Variants in ELAC1 observed in about 807,000 individuals in gnomAD.
ELAC1 encodes zinc phosphodiesterase ELAC protein 1.
A neutral mutation model predicts 25.8 loss-of-function variants in ELAC1; 19 were observed. That is an observed-to-expected ratio of 0.74 (90% CI 0.51 to 1.08). The LOEUF is 1.08. Among genes scored for constraint, ELAC1 ranks in the 50% least tolerant of loss-of-function variants. The pLI is 0.00. For synonymous variants in ELAC1, 148 were observed against 160.9 expected (o/e 0.92, Z 0.61); for missense variants, 403 against 434.6 (o/e 0.93, Z 0.65).
intron 2 of ELAC1, among the ~76,000 whole-genome samples, chr18:50,982,809 A>G (rs964287351): frequency 6.6e-5 from 10 of 152,084 alleles, no homozygotes; most frequent in Non-Finnish European, 1.2e-4. Flanking sequence ...TCAGTTCTTC[A>G]TCTTTTTCCC....
chr18:50,984,570 GT>G lies in ELAC1; in HGVS notation c.625+14del. On this transcript the variant is annotated splice_region_variant and intron_variant, in intron 3 of 3. Coordinates refer to ENST00000269466, the MANE Select transcript of ELAC1 (RefSeq NM_018696.3). ...CAGAAACTTAAAGACCTTGGTAAGT[GT>G]TTTTTTGTTTTTTGTTTTTTCCCGC... 1.9e-6 allele frequency: 3 copies of G among 1,597,660 alleles called. No individual in the cohort carries two copies. Among genetic ancestry groups the G allele is most frequent in the Non-Finnish European group, 1.7e-6 (2 of 1,170,940 alleles).
chr18:50,971,912 GTATATATA>G (rs66495742), intron 1 of ELAC1, among the ~76,000 whole-genome samples: 38 of 76,530 alleles, frequency 5.0e-4, no homozygotes, highest in South Asian at 1.1e-3. Context: ...GTGTGTGTGT[GTATATATA>G]TATATATATA....
chr18:50,974,417 G>A lies in ELAC1; in HGVS notation c.13G>A (p.Val5Met), dbSNP rs1435281151. 3 of 1,544,098 alleles carry A rather than the reference G, an allele frequency of 1.9e-6. No individual in the cohort carries two copies. The Admixed American group carries it at 6.2e-5, about 32-fold the overall frequency. Residue 5 changes from valine (V) to methionine (M), a missense_variant, in exon 2 of 4, where the codon GTG becomes ATG. Physicochemically the swap from Val to Met is conservative, Grantham distance 21. Coordinates refer to ENST00000269466, the MANE Select transcript of ELAC1 (RefSeq NM_018696.3). MSMD[V>M]TFLGTGAAYP... is the part of the protein sequence containing the mutation. ...TGCAGGGTGGAAGATGTCTATGGAT[G>A]TGACATTCCTGGGGACGGGTGCAGC...
intron 1 of ELAC1, chr18:50,969,499 G>T (rs527845057): frequency 6.6e-6 from 1 of 152,232 alleles, no homozygotes; most frequent in Non-Finnish European, 1.5e-5. Context: ...TGTACAAGTA[G>T]CACCGTAGGG....
Position 50,987,062 on chromosome 18 carries a change from A to G in ELAC1, c.1069A>G (p.Ile357Val), listed in dbSNP as rs765431123. The G allele has an allele frequency of 1.7e-5, 27 of 1,549,562 alleles. No individual in the cohort carries two copies. The highest frequency in any genetic ancestry group is 2.4e-5 in the Non-Finnish European group (27 of 1,147,880). Reference sequence around the variant, plus strand: ...GACTCTAGCAGAAGATTTTATGGTGATAAGCATTCCAATCAAGAAATGAAA... The same window carrying G: ...GACTCTAGCAGAAGATTTTATGGTGGTAAGCATTCCAATCAAGAAATGAAA... Reference protein sequence around the residue: ...EVTLAEDFMVISIPIKK With the variant: ...EVTLAEDFMVVSIPIKK Residue 357 changes from isoleucine to valine, a missense_variant, in exon 4 of 4, where the codon ATA becomes GTA. Coordinates refer to ENST00000269466, the MANE Select transcript of ELAC1 (RefSeq NM_018696.3).
chr18:50,973,171 G>A (rs1312720633), intron 1 of ELAC1, among the ~76,000 whole-genome samples: 1 of 152,172 alleles, frequency 6.6e-6, no homozygotes, highest in Non-Finnish European at 1.5e-5. Context: ...CTAAGACTGA[G>A]AAGAGTTACT....
intron 2 of ELAC1, among the ~76,000 whole-genome samples, chr18:50,976,186 G>A (rs1056881511): frequency 5.3e-5 from 8 of 152,142 alleles, no homozygotes; most frequent in East Asian, 1.9e-4. Flanking sequence ...ATGCAATCTC[G>A]TTTGTGTTTT....
At chr18:50,983,782 A>T (rs1908023781) in intron 2 of ELAC1, among the ~76,000 whole-genome samples, 1 of 151,256 alleles carries the variant, frequency 6.6e-6, no homozygotes, top group Non-Finnish European at 1.5e-5. Flanking sequence ...TGAGTCCAGG[A>T]GGTCAAGGCT....
intron 2 of ELAC1, among the ~76,000 whole-genome samples, chr18:50,978,056 AC>A (rs1907840984): frequency 6.6e-6 from 1 of 152,184 alleles, no homozygotes; most frequent in Non-Finnish European, 1.5e-5. Flanking sequence ...CTCAGCCTGG[AC>A]TTTTTGGTCA....
At chr18:50,973,607 T>G (rs1907719952) in intron 1 of ELAC1, among the ~76,000 whole-genome samples, 1 of 152,208 alleles carries the variant, frequency 6.6e-6, no homozygotes. Context: ...GGCTGATCAT[T>G]ATGGGCATCA....
At position 50,976,498 on chromosome 18, in the gene ELAC1, C is replaced by T. The variant is rs141887308; in HGVS notation, c.157+1937C>T. ...ACCACCCTTTATCAACCCGTCAGAT[C>T]TCATGAGACTTATTCACTGTCGTGA... On this transcript the variant is annotated intron_variant, in intron 2 of 3. Transcript: ENST00000269466. 3.5e-3 allele frequency among the ~76,000 whole-genome samples: 537 copies of T among 152,258 alleles called. 5 individuals are homozygous for T. The highest frequency in any genetic ancestry group is 0.012 in the African/African-American group (502 of 41,544).
chr18:50,979,612 G>C (rs1291544309), intron 2 of ELAC1, among the ~76,000 whole-genome samples: 3 of 152,168 alleles, frequency 2.0e-5, no homozygotes, highest in African/African-American at 7.2e-5. Flanking sequence ...ACAAGTCCCA[G>C]CCACACTCAA....
intron 2 of ELAC1, among the ~76,000 whole-genome samples, chr18:50,978,933 T>C (rs1463642490): frequency 6.6e-6 from 1 of 152,214 alleles, no homozygotes; most frequent in East Asian, 1.9e-4. Flanking sequence ...GTTGAAACTT[T>C]GAGATAATTC....
At chr18:50,985,874 CCT>C (rs1908095290) in intron 3 of ELAC1, among the ~76,000 whole-genome samples, 1 of 151,992 alleles carries the variant, frequency 6.6e-6, no homozygotes, top group Non-Finnish European at 1.5e-5. Flanking sequence ...TGGAACTGCC[CCT>C]GTCTGCCAAG....
chr18:50,985,389 A>C (rs1333106850), intron 3 of ELAC1, among the ~76,000 whole-genome samples: 1 of 152,270 alleles, frequency 6.6e-6, no homozygotes, highest in Non-Finnish European at 1.5e-5. Context: ...AACCAGTTTT[A>C]GATATCAGGG....
At chr18:50,969,283 C>G (rs545324914) in intron 1 of ELAC1, 1 of 152,312 alleles carries the variant, frequency 6.6e-6, no homozygotes, top group East Asian at 1.9e-4. Flanking sequence ...TTGAACAAGT[C>G]ATTTGTACGG....
At chr18:50,984,631 A>G (rs749595052) in intron 3 of ELAC1, 68 bp downstream of exon 3, 59 of 1,179,802 alleles carry the variant, frequency 5.0e-5, no homozygotes, top group African/African-American at 7.7e-5. Flanking sequence ...GACTGAAGCT[A>G]TAAGAAATGT....
chr18:50,980,278 C>G (rs935124354), intron 2 of ELAC1, among the ~76,000 whole-genome samples: 4 of 151,788 alleles, frequency 2.6e-5, no homozygotes, highest in Non-Finnish European at 5.9e-5. Context: ...CCACTGCACT[C>G]CAGCCTGGTG....
At chr18:50,983,792 T>TG (rs1908024086) in intron 2 of ELAC1, among the ~76,000 whole-genome samples, 1 of 151,316 alleles carries the variant, frequency 6.6e-6, no homozygotes, top group Non-Finnish European at 1.5e-5. Flanking sequence ...AGGTCAAGGC[T>TG]GCAGTGAGCT....
Sources: gnomAD v4.1 joint callset for allele counts (sites outside exome capture counted in the v4.1 genomes callset) on GRCh38, gnomAD v4.1.1 for gene constraint, MANE v1.5 for transcripts, NCBI Gene and HGNC (gene_info 2026-07-23, HGNC 2026-07-21) for gene names.